The following ASB7 variants were observed in gnomAD, a reference collection of about 807,000 sequenced individuals.
ASB7 encodes ankyrin repeat and SOCS box protein 7.
ASB7 carries 4 observed loss-of-function variants against 32.5 expected under a neutral mutation model. The observed-to-expected ratio is 0.12, with a 90% CI of 0.06 to 0.28. The LOEUF (loss-of-function observed/expected upper bound fraction) is 0.28, where lower values mean the gene tolerates loss of function less well. Among genes scored for constraint, ASB7 ranks in the 10% least tolerant of loss-of-function variants. The pLI is 1.00. For synonymous variants in ASB7, 172 were observed against 155.6 expected (o/e 1.11, Z -0.78); for missense variants, 181 against 407.1 (o/e 0.44, Z 4.78).
At chr15:100,612,546 C>G in intron 4 of ASB7, 119 bp downstream of exon 4, 1 of 912,838 alleles carries the variant, frequency 1.1e-6, no homozygotes, top group Non-Finnish European at 1.7e-6. Flanking sequence ...ACATATTATT[C>G]TCTCTCCTTT....
intron 5 of ASB7, among the ~76,000 whole-genome samples, chr15:100,634,031 A>G (rs2039904658): frequency 3.9e-5 from 6 of 152,216 alleles, no homozygotes; most frequent in African/African-American, 1.4e-4. Flanking sequence ...ATGAACAGGA[A>G]AAGGGTGACA....
chr15:100,630,129 C>G, intron 5 of ASB7, 87 bp downstream of exon 5: 1 of 1,417,900 alleles, frequency 7.1e-7, no homozygotes, highest in Non-Finnish European at 9.2e-7. Flanking sequence ...CTTAAGATGA[C>G]TAGATATTAA....
intron 5 of ASB7, among the ~76,000 whole-genome samples, chr15:100,633,720 A>G (rs1323723492): frequency 6.6e-6 from 1 of 152,034 alleles, no homozygotes; most frequent in Non-Finnish European, 1.5e-5. Flanking sequence ...AAGAGAAATA[A>G]ATGGTAGTGA....
At chr15:100,603,125 C>T (rs557538994) in intron 1 of ASB7, 79 bp downstream of exon 1, 5 of 397,718 alleles carry the variant, frequency 1.3e-5, no homozygotes, top group East Asian at 3.6e-5. Context: ...CTTTTTCTTG[C>T]CTGCCCTTGC....
intron 4 of ASB7, among the ~76,000 whole-genome samples, chr15:100,623,763 T>C (rs946797925): frequency 2.0e-5 from 3 of 152,188 alleles, no homozygotes; most frequent in Admixed American, 1.3e-4. Flanking sequence ...TGTAAATTAG[T>C]ACAACCTCTG....
intron 4 of ASB7, among the ~76,000 whole-genome samples, chr15:100,616,289 G>C (rs1240256247): frequency 1.3e-5 from 2 of 150,280 alleles, no homozygotes; most frequent in Non-Finnish European, 3.0e-5. Context: ...ATTTTGCAAT[G>C]TTTTCTCTCT....
intron 5 of ASB7, among the ~76,000 whole-genome samples, chr15:100,634,632 C>G (rs150723877): frequency 2.0e-5 from 3 of 152,056 alleles, no homozygotes; most frequent in African/African-American, 7.3e-5. Flanking sequence ...GGTGAAACCC[C>G]GTCTCTACTA....
chr15:100,618,055 A>C (rs1287802286), intron 4 of ASB7, among the ~76,000 whole-genome samples: 1 of 152,204 alleles, frequency 6.6e-6, no homozygotes, highest in Non-Finnish European at 1.5e-5. Flanking sequence ...CCTGGGCTCA[A>C]GCAGTCCTCC....
intron 4 of ASB7, among the ~76,000 whole-genome samples, chr15:100,619,851 T>C (rs576625878): frequency 1.9e-4 from 29 of 152,272 alleles, no homozygotes; most frequent in African/African-American, 6.5e-4. Flanking sequence ...GAGAAATCCG[T>C]TGAGAAAATG....
In ASB7 at chr15:100,624,683, T is replaced by C. The variant is rs1423889876; in HGVS notation, c.212-4754T>C. On this transcript the variant is annotated intron_variant, in intron 4 of 5. Coordinates refer to ENST00000332783, the MANE Select transcript of ASB7 (RefSeq NM_198243.3). ...TGAGAAGACTTTAGGTCCAGCTGGC[T>C]TCTCATTGAATTATTTCAGATATTA... Among the ~76,000 whole-genome samples, 4 of 152,356 alleles carry C rather than the reference T, an allele frequency of 2.6e-5. No homozygotes were observed. In the East Asian group the frequency reaches 7.7e-4, roughly 29 times the overall value.
chr15:100,627,923 T>G (rs1488187076), intron 4 of ASB7, among the ~76,000 whole-genome samples: 1 of 152,120 alleles, frequency 6.6e-6, no homozygotes, highest in African/African-American at 2.4e-5. Flanking sequence ...CCGGCTTGAG[T>G]GACTTAAGGG....
chr15:100,614,127 G>T (rs943870987), intron 4 of ASB7, among the ~76,000 whole-genome samples: 2 of 152,098 alleles, frequency 1.3e-5, no homozygotes, highest in Non-Finnish European at 2.9e-5. Context: ...AAAAAAATTA[G>T]TTGGGCATAG....
At chr15:100,646,220 C>G (rs2039995908) in intron 5 of ASB7, 2 of 403,690 alleles carry the variant, frequency 5.0e-6, no homozygotes, top group Non-Finnish European at 9.9e-6. Flanking sequence ...TCACCCAGGC[C>G]ACATCTGTTA....
intron 4 of ASB7, among the ~76,000 whole-genome samples, chr15:100,623,123 G>T (rs1299863189): frequency 6.6e-6 from 1 of 152,184 alleles, no homozygotes; most frequent in Non-Finnish European, 1.5e-5. Flanking sequence ...GGCAGGTCAG[G>T]CGTGGTGGCT....
rs780278277 is a variant in ASB7 at position 100,629,238 on chromosome 15, C to A, written c.212-199C>A. On this transcript the variant is annotated intron_variant, in intron 4 of 5. Coordinates refer to ENST00000332783, the MANE Select transcript of ASB7 (RefSeq NM_198243.3). The surrounding 1 kb of genome is among the most constrained non-coding windows in gnomAD (Gnocchi z 6.8). ...GTCTTTCTCCTTTCATTAACCCAGA[C>A]GTGATAACATTCTACAAAATTTATT... is the stretch of plus-strand genomic sequence containing the variant. Among the ~76,000 whole-genome samples, 1 of 152,182 alleles carries A rather than the reference C, an allele frequency of 6.6e-6. No homozygotes were observed. Among genetic ancestry groups the A allele is most frequent in the Admixed American group, 6.5e-5 (1 of 15,282 alleles).
intron 5 of ASB7, among the ~76,000 whole-genome samples, chr15:100,635,693 C>A (rs2039917440): frequency 6.6e-6 from 1 of 152,136 alleles, no homozygotes; most frequent in Non-Finnish European, 1.5e-5. Context: ...GTGGGGAGGG[C>A]CAGTGGTCTG....
chr15:100,643,404 G>A (rs2039974194), intron 5 of ASB7, among the ~76,000 whole-genome samples: 1 of 150,254 alleles, frequency 6.7e-6, no homozygotes, highest in South Asian at 2.1e-4. Flanking sequence ...TCTTTGGAGA[G>A]AACAGTCTGT....
chr15:100,639,089 G>A (rs2039944107), intron 5 of ASB7, among the ~76,000 whole-genome samples: 1 of 152,162 alleles, frequency 6.6e-6, no homozygotes, highest in Admixed American at 6.5e-5. Context: ...CCACCAGTAT[G>A]CTTTGGTGGT....
chr15:100,610,880 G>C (rs1262933447), intron 3 of ASB7, among the ~76,000 whole-genome samples: 1 of 152,186 alleles, frequency 6.6e-6, no homozygotes, highest in African/African-American at 2.4e-5. Context: ...ATTCCTTCCA[G>C]TTAGCACACC....
Sources: gnomAD v4.1 joint callset for allele counts (sites outside exome capture counted in the v4.1 genomes callset) on GRCh38, gnomAD v4.1.1 for gene constraint, Gnocchi (gnomAD v3.1) non-coding constraint, MANE v1.5 for transcripts, NCBI Gene and HGNC (gene_info 2026-07-23, HGNC 2026-07-21) for gene names.